Variants in RUVBL1 observed in about 807,000 individuals in gnomAD.
RUVBL1 encodes ruvB-like 1.
RUVBL1 carries 4 observed loss-of-function variants against 52.4 expected under a neutral mutation model. That is an observed-to-expected ratio of 0.08 (90% CI 0.04 to 0.17). RUVBL1 has a LOEUF of 0.17. Among genes scored for constraint, RUVBL1 ranks in the 10% least tolerant of loss-of-function variants. The probability of loss-of-function intolerance (pLI) is 1.00; values close to 1 mark genes in which losing one functional copy is unlikely to be tolerated. For synonymous variants in RUVBL1, 217 were observed against 214.4 expected, an observed-to-expected ratio of 1.01 and a Z score of -0.10; for missense variants, 298 against 572.8, an observed-to-expected ratio of 0.52 and a Z score of 4.90.
intron 1 of RUVBL1, among the ~76,000 whole-genome samples, chr3:128,121,727 A>C (rs938506227): frequency 1.5e-4 from 23 of 151,732 alleles, no homozygotes; most frequent in Non-Finnish European, 2.4e-4. Context: ...AAAAAAAAAA[A>C]AAAAAAACTA....
intron 1 of RUVBL1, among the ~76,000 whole-genome samples, chr3:128,151,071 T>C (rs1944200476): frequency 8.9e-6 from 1 of 112,946 alleles, no homozygotes; most frequent in South Asian, 2.3e-4. Context: ...ATATGTTCTC[T>C]ATATATTCTC....
At chr3:128,127,903 A>C (rs75727040), upstream of RUVBL1, among the ~76,000 whole-genome samples, 5 of 152,290 alleles carry the variant, frequency 3.3e-5, no homozygotes, top group Non-Finnish European at 4.4e-5. Context: ...AGGCTGAGGC[A>C]GAAGAATTGC....
chr3:128,111,871 G>A (rs1266427511), intron 3 of RUVBL1, among the ~76,000 whole-genome samples: 1 of 152,156 alleles, frequency 6.6e-6, no homozygotes, highest in African/African-American at 2.4e-5. Flanking sequence ...AACTGGTACA[G>A]GCACTCTGAC....
At chr3:128,075,682 G>GT (rs956862728) in intron 9 of RUVBL1, 3 of 152,160 alleles carry the variant, frequency 2.0e-5, no homozygotes, top group African/African-American at 7.2e-5. Flanking sequence ...CGCCCCCATG[G>GT]GGGGAGGGGC....
chr3:128,066,882 G>A (rs1941997926), intron 9 of RUVBL1: 5 of 1,483,516 alleles, frequency 3.4e-6, no homozygotes, highest in Non-Finnish European at 4.7e-6. Context: ...ACAGTCCCCG[G>A]CCGGGCTGTG....
chr3:128,087,547 TGAGACTCTG>T (rs1237421820), intron 9 of RUVBL1, among the ~76,000 whole-genome samples, 150 bp downstream of exon 9: 1 of 152,134 alleles, frequency 6.6e-6, no homozygotes, highest in East Asian at 1.9e-4. Context: ...ATGGGGAGAC[TGAGACTCTG>T]GAGTAATGTG....
intron 9 of RUVBL1, chr3:128,083,937 G>C (rs1343555810): frequency 6.6e-6 from 1 of 152,444 alleles, no homozygotes; most frequent in African/African-American, 2.4e-5. Context: ...AATTAGGTGG[G>C]TGTGGTGGCA....
At chr3:128,124,885 AGAG>A (rs1943758345), upstream of RUVBL1, among the ~76,000 whole-genome samples, 7 of 152,136 alleles carry the variant, frequency 4.6e-5, no homozygotes, top group Admixed American at 4.6e-4. Flanking sequence ...TTTTTACAGA[AGAG>A]GATACTAACA....
At chr3:128,106,966 C>T (rs987825266) in intron 3 of RUVBL1, among the ~76,000 whole-genome samples, 9 of 152,112 alleles carry the variant, frequency 5.9e-5, no homozygotes, top group Non-Finnish European at 8.8e-5. Flanking sequence ...GCTGGTTTCA[C>T]GGGTTTTTAC....
downstream of RUVBL1, among the ~76,000 whole-genome samples, chr3:128,077,595 C>T (rs1188724229): frequency 6.6e-6 from 1 of 152,242 alleles, no homozygotes; most frequent in Non-Finnish European, 1.5e-5. Flanking sequence ...TCAGCCCTAG[C>T]TGAGCCTCAC....
At chr3:128,079,418 T>C (rs886435911), downstream of RUVBL1, among the ~76,000 whole-genome samples, 1 of 152,202 alleles carries the variant, frequency 6.6e-6, no homozygotes, top group Non-Finnish European at 1.5e-5. Context: ...GTGGAAGTGG[T>C]CTTGGAAGTG....
intron 3 of RUVBL1, among the ~76,000 whole-genome samples, chr3:128,106,852 T>TA (rs1287522555): frequency 6.6e-6 from 1 of 152,184 alleles, no homozygotes; most frequent in Non-Finnish European, 1.5e-5. Flanking sequence ...ACTGTACTGT[T>TA]AGAAATCAAG....
At chr3:128,124,321 G>T (rs778535043), upstream of RUVBL1, among the ~76,000 whole-genome samples, 3 of 151,622 alleles carry the variant, frequency 2.0e-5, no homozygotes, top group Non-Finnish European at 4.4e-5. Context: ...GAGAGATAAG[G>T]TTCCTGCTGA....
intron 8 of RUVBL1, among the ~76,000 whole-genome samples, chr3:128,088,709 C>T (rs1002681253): frequency 6.6e-6 from 1 of 151,704 alleles, no homozygotes; most frequent in African/African-American, 2.4e-5. Flanking sequence ...CTCAAGGGCT[C>T]CTCCCACCTC....
At chr3:128,148,287 T>G (rs1944133746) in intron 1 of RUVBL1, among the ~76,000 whole-genome samples, 1 of 152,126 alleles carries the variant, frequency 6.6e-6, no homozygotes, top group South Asian at 2.1e-4. Flanking sequence ...GTGCTGATGG[T>G]AGAGATGTTC....
chr3:128,117,829 A>G (rs182205006), intron 2 of RUVBL1, among the ~76,000 whole-genome samples: 1 of 152,286 alleles, frequency 6.6e-6, no homozygotes, highest in East Asian at 1.9e-4. Context: ...TCTGACATAT[A>G]ATAGTGAAAC....
chr3:128,126,341 T>C (rs1943792480), upstream of RUVBL1, among the ~76,000 whole-genome samples: 1 of 151,262 alleles, frequency 6.6e-6, no homozygotes, highest in African/African-American at 2.4e-5. Flanking sequence ...AGGTCAGGAG[T>C]TCGAAACCAG....
rs1221081427 is a variant in RUVBL1 at position 128,081,221 on chromosome 3, G to GTC, written c.*27_*28dup. 6.2e-7 allele frequency: 1 copy of GTC among 1,603,640 alleles called. No homozygotes were observed. The highest frequency in any genetic ancestry group is 2.2e-5 in the East Asian group (1 of 44,714). On this transcript the variant is annotated 3_prime_UTR_variant, in exon 11 of 11. Coordinates refer to ENST00000322623, the MANE Select transcript of RUVBL1 (RefSeq NM_003707.3). The surrounding 1 kb of genome is among the most constrained non-coding windows in gnomAD (Gnocchi z 4.8). ...GACCCAGGCCAGGCACACCTGGGGA[G>GTC]TCTCTTACTGCTGAAAACCTCAGCC...
At chr3:128,097,275 T>C in intron 8 of RUVBL1, 25 bp downstream of exon 8, 1 of 1,606,886 alleles carries the variant, frequency 6.2e-7, no homozygotes, top group Non-Finnish European at 8.5e-7. Flanking sequence ...AAAAAAGCCT[T>C]GTGGCTGGCA....
Sources: gnomAD v4.1 joint callset for allele counts (sites outside exome capture counted in the v4.1 genomes callset) on GRCh38, gnomAD v4.1.1 for gene constraint, Gnocchi (gnomAD v3.1) non-coding constraint, MANE v1.5 for transcripts, NCBI Gene and HGNC (gene_info 2026-07-23, HGNC 2026-07-21) for gene names.